Variants in BCLAF3 observed in about 807,000 individuals in gnomAD.
BCLAF3 encodes BCLAF1 and THRAP3 family member 3.
In BCLAF3, 24 loss-of-function variants were observed where a neutral mutation model predicts 51.2. That is an observed-to-expected ratio of 0.47 (90% CI 0.34 to 0.66). BCLAF3 has a LOEUF of 0.66. Ranked by LOEUF, BCLAF3 falls within the 30% of genes least tolerant of loss-of-function variation. The pLI is 0.01. For synonymous variants in BCLAF3, 152 were observed against 176.6 expected (o/e 0.86, Z 1.10); for missense variants, 465 against 525.1 (o/e 0.89, Z 1.12).
chrX:19,930,818 C>T (rs1341453464), intron 10 of BCLAF3, among the ~76,000 whole-genome samples: 3 of 110,703 alleles, frequency 2.7e-5, no homozygotes, highest in Non-Finnish European at 5.7e-5. Flanking sequence ...CCAGCCTGGG[C>T]AACAGAGTGA....
At chrX:19,954,230 T>C (rs1382021148) in intron 5 of BCLAF3, 6 of 742,276 alleles carry the variant, frequency 8.1e-6, no homozygotes, top group African/African-American at 2.3e-5. Flanking sequence ...AAAGATGGCA[T>C]AGAGCTTCAC....
intron 4 of BCLAF3, among the ~76,000 whole-genome samples, chrX:19,956,209 T>A (rs1008047059): frequency 2.7e-5 from 3 of 112,028 alleles, no homozygotes; most frequent in African/African-American, 9.7e-5. Context: ...ATTTATTATA[T>A]AACCCCGGCT....
intron 10 of BCLAF3, 153 bp from the exon 11 acceptor site, chrX:19,930,093 T>C (rs891186265): frequency 6.9e-6 from 3 of 437,531 alleles, no homozygotes; most frequent in East Asian, 8.5e-5. Flanking sequence ...AGCTGATCGC[T>C]TGAGGTCAGG....
At chrX:19,963,452 A>G in intron 4 of BCLAF3, among the ~76,000 whole-genome samples, 1 of 111,398 alleles carries the variant, frequency 9.0e-6, no homozygotes, top group Admixed American at 9.6e-5. Context: ...CATATGTAAA[A>G]AGATGCAAAA....
rs1207178711 is a variant in BCLAF3, at chrX:19,937,040, A to T, written c.1860+378T>A. Among the ~76,000 whole-genome samples the T allele has an allele frequency of 2.6e-4, 29 of 111,347 alleles. No individual in the cohort carries two copies. In the Admixed American group the frequency reaches 2.8e-3, roughly 11 times the overall value. ...CTTTTTTGAATTTTTTTCTTTTATT[A>T]TTATTATATTTTTTTGTAGAGATGA... On this transcript the variant is annotated intron_variant, in intron 9 of 11. Transcript: ENST00000379682.
intron 1 of BCLAF3, among the ~76,000 whole-genome samples, chrX:19,978,326 G>C (rs988184823): frequency 6.2e-5 from 7 of 112,069 alleles, no homozygotes; most frequent in African/African-American, 2.3e-4. Flanking sequence ...CATGACTCAT[G>C]GGAGGAGGTC....
At chrX:19,984,003 C>T (rs1193518857) in intron 1 of BCLAF3, among the ~76,000 whole-genome samples, 1 of 94,712 alleles carries the variant, frequency 1.1e-5, no homozygotes, top group Non-Finnish European at 2.0e-5. Context: ...ACCCGGGAGG[C>T]GGAAGTTGCA....
chrX:19,941,316 T>C lies in BCLAF3; in HGVS notation c.1746-3784A>G, dbSNP rs1291464812. Reference sequence around the variant, plus strand: ...CAATTTTGGCTTTTGTTGCCATTGCTTTTGGTGTTTTGGACATAAAGTCCT... The same window carrying C: ...CAATTTTGGCTTTTGTTGCCATTGCCTTTGGTGTTTTGGACATAAAGTCCT... On this transcript the variant is annotated intron_variant, in intron 8 of 11. Transcript: ENST00000379682. Among the ~76,000 whole-genome samples, 3 of 106,665 alleles carry C rather than the reference T, an allele frequency of 2.8e-5. No individual in the cohort carries two copies. In the East Asian group the frequency reaches 8.5e-4, roughly 30 times the overall value. 92.6% of individuals were successfully genotyped at this position (106,665 alleles called of 115,157 possible).
chrX:19,988,775 A>C (rs765581486), intron 1 of BCLAF3, among the ~76,000 whole-genome samples: 1 of 112,129 alleles, frequency 8.9e-6, no homozygotes, highest in African/African-American at 3.2e-5. Flanking sequence ...GTACCTTAGA[A>C]AAGTTAAGTG....
intron 11 of BCLAF3, among the ~76,000 whole-genome samples, chrX:19,927,656 C>T (rs1015026305): frequency 1.8e-5 from 2 of 109,180 alleles, no homozygotes; most frequent in Non-Finnish European, 3.8e-5. Flanking sequence ...GTTCTCATTT[C>T]GTTTTTTTCT....
rs755652645 is a variant in BCLAF3 at position 19,966,745 on chromosome X, C to A, written c.42-96G>T. 4.1e-4 allele frequency: 282 copies of A among 684,932 alleles called. No individual in the cohort carries two copies. The South Asian group carries it at 6.4e-3, about 15-fold the overall frequency. 56.4% of individuals were successfully genotyped at this position (684,932 alleles called of 1,213,427 possible). ...AACAGTTGCTTTTCCTAGGATCCCT[C>A]GGCTTCTTCCACTCAAACTAAATTC... On this transcript the variant is annotated intron_variant, in intron 2 of 11. Transcript: ENST00000379682.
At chrX:19,987,990 T>A (rs1291453053) in intron 1 of BCLAF3, among the ~76,000 whole-genome samples, 1 of 112,329 alleles carries the variant, frequency 8.9e-6, no homozygotes, top group Non-Finnish European at 1.9e-5. Context: ...TTCAGAAAGA[T>A]GACCCTGTGG....
chrX:19,977,654 G>A (rs990154127), intron 1 of BCLAF3, among the ~76,000 whole-genome samples: 1 of 112,759 alleles, frequency 8.9e-6, no homozygotes, highest in African/African-American at 3.2e-5. Context: ...AGTGCTGACG[G>A]AGAAGCTGCA....
At chrX:19,939,684 T>C (rs752970912) in intron 8 of BCLAF3, among the ~76,000 whole-genome samples, 1 of 111,793 alleles carries the variant, frequency 8.9e-6, no homozygotes, top group Non-Finnish European at 1.9e-5. Context: ...GAAAAACAGA[T>C]AAACAAAATG....
At chrX:19,963,181 CTT>C (rs10538654) in intron 4 of BCLAF3, among the ~76,000 whole-genome samples, 26,962 of 76,297 alleles carry the variant, frequency 0.35, 5,620 homozygotes, top group African/African-American at 0.74. Flanking sequence ...TCCAAGCTCC[CTT>C]TTTTTTTTTT....
chrX:19,979,601 A>G (rs2072544450), intron 1 of BCLAF3, among the ~76,000 whole-genome samples: 1 of 111,084 alleles, frequency 9.0e-6, no homozygotes, highest in South Asian at 3.8e-4. Flanking sequence ...TCTCTGAGGT[A>G]TGCCTGTACT....
At chrX:19,932,095 G>A (rs1210292347) in intron 10 of BCLAF3, among the ~76,000 whole-genome samples, 6 of 112,075 alleles carry the variant, frequency 5.4e-5, no homozygotes, top group Non-Finnish European at 1.1e-4. Flanking sequence ...ATTCCCAAAT[G>A]TGTGTTCTTT....
chrX:19,937,609 A>T (rs1360688237), intron 8 of BCLAF3, 77 bp from the exon 9 acceptor site: 5 of 531,934 alleles, frequency 9.4e-6, no homozygotes, highest in Non-Finnish European at 1.5e-5. Context: ...GAATAATTTT[A>T]AAAAGCCCCT....
intron 10 of BCLAF3, chrX:19,930,513 C>A: frequency 7.4e-6 from 1 of 134,636 alleles, no homozygotes; most frequent in Non-Finnish European, 1.5e-5. Flanking sequence ...AATTTTTATT[C>A]TTAGCTGGGC....
Sources: gnomAD v4.1 joint callset for allele counts (sites outside exome capture counted in the v4.1 genomes callset) on GRCh38, gnomAD v4.1.1 for gene constraint, MANE v1.5 for transcripts, NCBI Gene and HGNC (gene_info 2026-07-23, HGNC 2026-07-21) for gene names.